Variants in GRB10 observed in about 807,000 individuals in gnomAD.
GRB10 encodes growth factor receptor bound protein 10, also known as growth factor receptor-bound protein 10.
Under a neutral mutation model 80.9 loss-of-function variants are expected in GRB10, and 20 were observed. The ratio of observed to expected loss-of-function variants is 0.25; its 90% CI spans 0.17 to 0.36. The LOEUF is 0.36. Ranked by LOEUF, GRB10 falls within the 10% of genes least tolerant of loss-of-function variation. GRB10 has a pLI of 1.00. For synonymous variants in GRB10, 291 were observed against 291.5 expected (o/e 1.00, Z 0.02); for missense variants, 548 against 747.7 (o/e 0.73, Z 3.12).
At chr7:50,644,975 A>G (rs1000975915) in intron 7 of GRB10, among the ~76,000 whole-genome samples, 1 of 152,246 alleles carries the variant, frequency 6.6e-6, no homozygotes, top group Non-Finnish European at 1.5e-5. Flanking sequence ...AAAACACTGC[A>G]AAAGGGCTAT....
chr7:50,642,313 C>G (rs1563261052), intron 7 of GRB10, among the ~76,000 whole-genome samples: 1 of 151,890 alleles, frequency 6.6e-6, no homozygotes, highest in Non-Finnish European at 1.5e-5. Context: ...CACACACACA[C>G]ACATACAAAC....
At chr7:50,732,489 A>G (rs1027834958) in intron 3 of GRB10, 121 bp from the exon 4 acceptor site, 13 of 679,910 alleles carry the variant, frequency 1.9e-5, no homozygotes, top group Non-Finnish European at 3.1e-5. Flanking sequence ...TTGTAGGTTC[A>G]GTAAGGACAC....
intron 5 of GRB10, among the ~76,000 whole-genome samples, chr7:50,692,259 G>A (rs983556583): frequency 3.3e-5 from 5 of 151,968 alleles, no homozygotes; most frequent in Non-Finnish European, 5.9e-5. Flanking sequence ...ATTTGCAGGA[G>A]GTTCCTGCAG....
rs2075816759 is a variant in GRB10 at position 50,761,981 on chromosome 7, A to G, written c.-216-5925T>C. The G allele has an allele frequency of 2.0e-5, 3 of 152,174 alleles. No individual in the cohort carries two copies. In the South Asian group the frequency reaches 6.2e-4, roughly 32 times the overall value. The allele number at this position is 152,174 out of a possible 1,614,324, so 9.4% of individuals were successfully genotyped here. A position where few individuals can be genotyped will look rare whatever the true frequency, so the allele number is the denominator to read the frequency against. ...GTAGGTTTCCTGAGGACGCCTCAGA[A>G]GCCGAGTAGATGCTGCCGTGCTTCC... On this transcript the variant is annotated intron_variant, in intron 2 of 18. Transcript: ENST00000401949.
chr7:50,641,276 A>AGG (rs1554510395), intron 7 of GRB10, among the ~76,000 whole-genome samples: 7 of 148,140 alleles, frequency 4.7e-5, no homozygotes, highest in African/African-American at 1.8e-4. Context: ...TCATCAAAAA[A>AGG]GGTGGGGGGG....
rs966109907 is a variant in GRB10 at position 50,737,340 on chromosome 7, A to G, written c.-46-4972T>C. ...AGGTCTCATAGCATCTGGCTGTTTA[A>G]AAGTGTGTAGCACCTCCCTCTTCAC... On this transcript the variant is annotated intron_variant, in intron 3 of 18. Coordinates refer to ENST00000401949, the MANE Select transcript of GRB10 (RefSeq NM_001350814.2). 2.6e-5 allele frequency among the ~76,000 whole-genome samples: 4 copies of G among 152,134 alleles called. No homozygotes were observed. In the South Asian group the frequency reaches 8.3e-4, roughly 31 times the overall value.
chr7:50,700,082 T>G (rs1050558763), intron 5 of GRB10, among the ~76,000 whole-genome samples: 16 of 149,914 alleles, frequency 1.1e-4, no homozygotes, highest in Non-Finnish European at 1.9e-4. Flanking sequence ...GAGATTGCAG[T>G]GAGCCGAGAT....
intron 7 of GRB10, among the ~76,000 whole-genome samples, chr7:50,669,505 T>G (rs2715110): frequency 6.6e-6 from 1 of 152,126 alleles, no homozygotes; most frequent in East Asian, 1.9e-4. Flanking sequence ...GCCTCCAAAA[T>G]TGGGGATTAC....
chr7:50,654,452 TC>T (rs1316202834), intron 7 of GRB10, among the ~76,000 whole-genome samples: 3 of 152,190 alleles, frequency 2.0e-5, no homozygotes, highest in Non-Finnish European at 2.9e-5. Flanking sequence ...CAGACGAGGT[TC>T]TGGTCAACAG....
At chr7:50,724,493 C>A (rs745624173) in intron 4 of GRB10, among the ~76,000 whole-genome samples, 3 of 152,190 alleles carry the variant, frequency 2.0e-5, no homozygotes, top group Non-Finnish European at 2.9e-5. Context: ...GCAGTGGGTG[C>A]ATGAAGAGAC....
At chr7:50,696,332 C>T (rs559459985) in intron 5 of GRB10, among the ~76,000 whole-genome samples, 8 of 152,220 alleles carry the variant, frequency 5.3e-5, no homozygotes, top group Non-Finnish European at 1.0e-4. Flanking sequence ...CACACCATGG[C>T]AGACATGATA....
chr7:50,608,199 A>C (rs866656912), intron 13 of GRB10, among the ~76,000 whole-genome samples: 1 of 152,380 alleles, frequency 6.6e-6, no homozygotes. Context: ...AGAAACAGAC[A>C]CAAAGAAAAT....
rs528324594 is a variant in GRB10, at chr7:50,646,292, G to A, written c.505-19314C>T. 7.2e-5 allele frequency among the ~76,000 whole-genome samples: 11 copies of A among 152,306 alleles called. No homozygotes were observed. The South Asian group carries it at 2.1e-3, about 29-fold the overall frequency. ...TCCGGGAGCTGTTCATCAAAAGAGG[G>A]TTGAGGTAAATCTATCACGGTACCT... On this transcript the variant is annotated intron_variant, in intron 7 of 18. Transcript: ENST00000401949.
chr7:50,738,757 T>C (rs750635498), intron 3 of GRB10, among the ~76,000 whole-genome samples: 14 of 152,236 alleles, frequency 9.2e-5, no homozygotes, highest in African/African-American at 2.9e-4. Flanking sequence ...AGCCAGTAGA[T>C]AGATAGCAGC....
chr7:50,644,141 C>T (rs79928191), intron 7 of GRB10, among the ~76,000 whole-genome samples: 13,334 of 152,176 alleles, frequency 0.088, 889 homozygotes, highest in Non-Finnish European at 0.11. Context: ...TTCACTATCC[C>T]GGATATTTAT....
At chr7:50,597,815 G>A (rs1479081160) in intron 17 of GRB10, among the ~76,000 whole-genome samples, 1 of 152,206 alleles carries the variant, frequency 6.6e-6, no homozygotes, top group Non-Finnish European at 1.5e-5. Flanking sequence ...TCATCATCTT[G>A]GGCAACTTCT....
intron 1 of GRB10, among the ~76,000 whole-genome samples, chr7:50,788,309 G>A (rs2078777897): frequency 6.6e-6 from 1 of 152,154 alleles, no homozygotes; most frequent in African/African-American, 2.4e-5. Context: ...ATCTCAGTGG[G>A]GCCCAGGTAG....
intron 3 of GRB10, among the ~76,000 whole-genome samples, chr7:50,738,563 C>T (rs1292822579): frequency 6.6e-6 from 1 of 152,210 alleles, no homozygotes; most frequent in Admixed American, 6.5e-5. Context: ...TCCCAGGCAG[C>T]TGGGACTTAT....
In GRB10 at chr7:50,746,832, C is replaced by T. The variant is rs576668976; in HGVS notation, c.-47+9055G>A. On this transcript the variant is annotated intron_variant, in intron 3 of 18. Coordinates refer to ENST00000401949, the MANE Select transcript of GRB10 (RefSeq NM_001350814.2). ...CCAGGGCTCCCCTGGCCTGTCCCTG[C>T]GTGAGCCATTCTGTGCTCTCGCCTC... Among the ~76,000 whole-genome samples, 12 of 152,254 alleles carry T rather than the reference C, an allele frequency of 7.9e-5. No homozygotes were observed. The South Asian group carries it at 1.2e-3, about 16-fold the overall frequency.
Sources: allele counts gnomAD v4.1 joint callset (sites outside exome capture counted in the v4.1 genomes callset), GRCh38; gene constraint gnomAD v4.1.1; transcripts MANE v1.5; gene names NCBI Gene and HGNC (gene_info 2026-07-23, HGNC 2026-07-21).